Variants in FOXN4 observed in about 807,000 individuals in gnomAD.
The protein encoded by FOXN4 is forkhead box N4, also known as forkhead box protein N4.
In FOXN4, 12 loss-of-function variants were observed where a neutral mutation model predicts 45.0. That is an observed-to-expected ratio of 0.27 (90% CI 0.17 to 0.43). The LOEUF (loss-of-function observed/expected upper bound fraction) is 0.43, where lower values mean the gene tolerates loss of function less well. Among genes scored for constraint, FOXN4 ranks in the 20% least tolerant of loss-of-function variants. FOXN4 has a pLI of 1.00. For missense variants in FOXN4, 560 were observed against 694.9 expected, an observed-to-expected ratio of 0.81 and a Z score of 2.18; for synonymous variants, 297 against 295.0, an observed-to-expected ratio of 1.01 and a Z score of -0.07.
chr12:109,287,604 CTG>C lies in FOXN4; in HGVS notation c.469-82_469-81del. On this transcript the variant is annotated intron_variant, in intron 5 of 9. Coordinates refer to ENST00000299162, the MANE Select transcript of FOXN4 (RefSeq NM_213596.3). The surrounding 1 kb of genome is among the most constrained non-coding windows in gnomAD (Gnocchi z 4.1). ...ATAACATACGTCACTCACAGTAACA[CTG>C]TCCCCACCCCAGTTTCAAAACACCT... The C allele has an allele frequency of 3.5e-6, 5 of 1,442,442 alleles. No homozygotes were observed. The highest frequency in any genetic ancestry group is 4.6e-6 in the Non-Finnish European group (5 of 1,088,946). 89.4% of individuals were successfully genotyped at this position (1,442,442 alleles called of 1,614,324 possible). A position where few individuals can be genotyped will look rare whatever the true frequency, so the allele number is the denominator to read the frequency against.
In FOXN4 at chr12:109,288,492, A is replaced by C. The variant is rs1268489423; in HGVS notation, c.233-312T>G. Among the ~76,000 whole-genome samples the C allele has an allele frequency of 6.6e-6, 1 of 152,238 alleles. No individual in the cohort carries two copies. The highest frequency in any genetic ancestry group is 1.5e-5 in the Non-Finnish European group (1 of 68,032). ...CTTAGCACACTGCTGGGCACATGAT[A>C]ATATCTCAATAAACATGAGTCAATA... is the stretch of plus-strand genomic sequence containing the variant. On this transcript the variant is annotated intron_variant, in intron 3 of 9. Transcript: ENST00000299162. This position sits in a 1 kb window ranked among gnomAD's most constrained non-coding sequence, Gnocchi z 4.3.
chr12:109,285,041 TTG>T (rs1292189912), intron 8 of FOXN4, among the ~76,000 whole-genome samples: 2 of 114,436 alleles, frequency 1.7e-5, no homozygotes, highest in African/African-American at 6.9e-5. Context: ...GTGAGTGCAT[TTG>T]TGTGTGTGCG....
At chr12:109,286,796 G>C in intron 6 of FOXN4, 52 bp from the exon 7 acceptor site, 1 of 1,555,980 alleles carries the variant, frequency 6.4e-7, no homozygotes, top group Non-Finnish European at 8.6e-7. Context: ...GGGCAGGCCA[G>C]GCATGAAAGG....
At chr12:109,292,264 C>T (rs1226541528) in intron 2 of FOXN4, among the ~76,000 whole-genome samples, 1 of 152,156 alleles carries the variant, frequency 6.6e-6, no homozygotes, top group African/African-American at 2.4e-5. Flanking sequence ...GGAGATGGGT[C>T]CCTGCTGGCA....
At chr12:109,283,260 A>C (rs2047669701) in intron 8 of FOXN4, among the ~76,000 whole-genome samples, 1 of 152,186 alleles carries the variant, frequency 6.6e-6, no homozygotes, top group South Asian at 2.1e-4. Flanking sequence ...TGTGAAAAAT[A>C]TAAAAGTTAT....
chr12:109,286,744 G>T lies in FOXN4; in HGVS notation c.597C>A (p.Ser199Arg). The T allele has an allele frequency of 6.2e-7, 1 of 1,604,242 alleles. No individual in the cohort carries two copies. The change falls in exon 7 of 10, where the codon AGC becomes AGA. Residue 199 changes from serine to arginine, a missense_variant and splice_region_variant. Physicochemically the swap from Ser to Arg is moderately radical, Grantham distance 110. Around this residue, in one of 5 missense-constraint regions of FOXN4, gnomAD observed 39 missense variants for 81.7 expected, o/e 0.48. Transcript: ENST00000299162. ...KHYPKPIYSY[S>R]CLIAMALKNS... Reference sequence around the variant, plus strand: ...TCTTCAGGGCCATGGCGATCAGACAGCTGGGGGCAGGAGGTGGGGCAGGGC... The same window carrying T: ...TCTTCAGGGCCATGGCGATCAGACATCTGGGGGCAGGAGGTGGGGCAGGGC...
rs778635821 is a variant in FOXN4, at chr12:109,288,161, GGCCACCCCA to G, written c.243_251del (p.Gly82_Ala84del). On this transcript the variant is annotated inframe_deletion, in exon 4 of 10. Coordinates refer to ENST00000299162, the MANE Select transcript of FOXN4 (RefSeq NM_213596.3). The surrounding 1 kb of genome is among the most constrained non-coding windows in gnomAD (Gnocchi z 4.3). ...TTGGAGTGGCTCCCACATGCAGGTCGGCCACCCCAGCCAAGGCACCTGCCGGAGAGAAGC... is the reference window on the plus strand; with the variant it reads ...TTGGAGTGGCTCCCACATGCAGGTCGGCCAAGGCACCTGCCGGAGAGAAGC... The G allele has an allele frequency of 4.7e-5, 72 of 1,547,150 alleles. 1 individual carries two copies. In the South Asian group the frequency reaches 8.2e-4, roughly 18 times the overall value.
At chr12:109,280,835 T>C (rs756824848) in intron 9 of FOXN4, among the ~76,000 whole-genome samples, 6 of 152,186 alleles carry the variant, frequency 3.9e-5, no homozygotes, top group Non-Finnish European at 8.8e-5. Flanking sequence ...TCACGTCCCA[T>C]TTATTGGAGA....
intron 8 of FOXN4, among the ~76,000 whole-genome samples, chr12:109,284,190 T>C (rs1426780655): frequency 6.6e-6 from 1 of 152,202 alleles, no homozygotes; most frequent in Non-Finnish European, 1.5e-5. Flanking sequence ...GGTTGTGTAG[T>C]TTGGCATTTC....
rs761386254 is a variant in FOXN4, at chr12:109,281,741, C to A, written c.960G>T (p.Pro320=). The change falls in exon 9 of 10, where the codon CCG becomes CCT. Residue 320 remains proline (P), a synonymous_variant. Coordinates refer to ENST00000299162, the MANE Select transcript of FOXN4 (RefSeq NM_213596.3). ...TCAGCACGGGGGCCTCTGGTTCCCCCGGTTTGCCGGGGCGCCGGCAGCTTT... is the reference window on the plus strand; with the variant it reads ...TCAGCACGGGGGCCTCTGGTTCCCCAGGTTTGCCGGGGCGCCGGCAGCTTT... ...RPESCRRPGK[P]GEPEAPVLTH... The A allele has an allele frequency of 1.9e-6, 3 of 1,606,298 alleles. No individual in the cohort carries two copies. In the Admixed American group the frequency reaches 5.0e-5, roughly 27 times the overall value.
At position 109,279,071 on chromosome 12, in the gene FOXN4, G is replaced by A. The variant is rs1761758329; in HGVS notation, c.*600C>T. ...AATCTGCGCTAATAAAATTCTAACA[G>A]ACTATCGGAAAGGTGGGGCTGAAGG... On this transcript the variant is annotated 3_prime_UTR_variant, in exon 10 of 10. Coordinates refer to ENST00000299162, the MANE Select transcript of FOXN4 (RefSeq NM_213596.3). The A allele has an allele frequency of 6.4e-6, 1 of 155,364 alleles. No homozygotes were observed. The highest frequency in any genetic ancestry group is 1.4e-5 in the Non-Finnish European group (1 of 69,986). The allele number at this position is 155,364 out of a possible 1,614,324, so 9.6% of individuals were successfully genotyped here.
At chr12:109,305,442 A>C (rs2047912844) in intron 2 of FOXN4, among the ~76,000 whole-genome samples, 1 of 152,158 alleles carries the variant, frequency 6.6e-6, no homozygotes, top group South Asian at 2.1e-4. Flanking sequence ...ATATAAGAAA[A>C]CACTGCTGGG....
intron 8 of FOXN4, among the ~76,000 whole-genome samples, chr12:109,283,759 A>C (rs2047675517): frequency 6.6e-6 from 1 of 152,214 alleles, no homozygotes; most frequent in African/African-American, 2.4e-5. Flanking sequence ...TATGGGCATG[A>C]GCCACCGCAC....
At chr12:109,294,741 C>A (rs1343362250) in intron 2 of FOXN4, among the ~76,000 whole-genome samples, 1 of 149,076 alleles carries the variant, frequency 6.7e-6, no homozygotes, top group African/African-American at 2.5e-5. Context: ...GCACTAGGGC[C>A]TACATGAGAA....
chr12:109,286,552 A>G, intron 7 of FOXN4, 96 bp downstream of exon 7: 1 of 1,202,974 alleles, frequency 8.3e-7, no homozygotes, highest in South Asian at 1.4e-5. Context: ...ATAACTGGGA[A>G]CCAAAGAGGG....
At chr12:109,293,657 T>A (rs1268320775) in intron 2 of FOXN4, among the ~76,000 whole-genome samples, 1 of 152,192 alleles carries the variant, frequency 6.6e-6, no homozygotes, top group Non-Finnish European at 1.5e-5. Flanking sequence ...GCCACCACGC[T>A]GGGCTAATTT....
intron 8 of FOXN4, among the ~76,000 whole-genome samples, chr12:109,284,037 T>C (rs1252439069): frequency 6.6e-6 from 1 of 152,248 alleles, no homozygotes; most frequent in Non-Finnish European, 1.5e-5. Context: ...TTTGATATAT[T>C]AGCTTTCCCT....
chr12:109,308,221 T>C lies in FOXN4; in HGVS notation c.86+15A>G, dbSNP rs1307004298. The C allele has an allele frequency of 6.5e-7, 1 of 1,535,810 alleles. No homozygotes were observed. The highest frequency in any genetic ancestry group is 1.4e-5 in the African/African-American group (1 of 72,336). On this transcript the variant is annotated intron_variant, in intron 2 of 9. Coordinates refer to ENST00000299162, the MANE Select transcript of FOXN4 (RefSeq NM_213596.3). ...AATTAAAAAATATATAGTTTGTTATTGTTGGAGCCCTCACCTGTATTCCTG... is the reference window on the plus strand; with the variant it reads ...AATTAAAAAATATATAGTTTGTTATCGTTGGAGCCCTCACCTGTATTCCTG...
chr12:109,298,331 GTTTT>G (rs372774683), intron 2 of FOXN4, among the ~76,000 whole-genome samples: 1 of 121,438 alleles, frequency 8.2e-6, no homozygotes. Context: ...TTTGTTTCAG[GTTTT>G]TTTTTTTTGT....
Sources: gnomAD v4.1 joint callset for allele counts (sites outside exome capture counted in the v4.1 genomes callset) on GRCh38, gnomAD v4.1.1 for gene constraint, gnomAD v4.1.1 regional missense constraint, Gnocchi (gnomAD v3.1) non-coding constraint, MANE v1.5 for transcripts, NCBI Gene and HGNC (gene_info 2026-07-23, HGNC 2026-07-21) for gene names.